GUCY1A1: variants seen among roughly 807,000 people sequenced by gnomAD.
GUCY1A1 encodes the protein guanylate cyclase soluble subunit alpha-1.
Under a neutral mutation model 64.5 loss-of-function variants are expected in GUCY1A1, and 48 were observed. The observed-to-expected ratio is 0.74, with a 90% CI of 0.59 to 0.95. The LOEUF (loss-of-function observed/expected upper bound fraction) is 0.95. Ranked by LOEUF, GUCY1A1 falls within the 40% of genes least tolerant of loss-of-function variation. The probability of loss-of-function intolerance (pLI) is 0.00; values close to 1 mark genes in which losing one functional copy is unlikely to be tolerated. For missense variants in GUCY1A1, 804 were observed against 825.3 expected (o/e 0.97, Z 0.32); for synonymous variants, 308 against 303.4 (o/e 1.02, Z -0.16).
chr4:155,676,141 T>C (rs1425838129), intron 2 of GUCY1A1, among the ~76,000 whole-genome samples: 1 of 127,204 alleles, frequency 7.9e-6, no homozygotes, highest in Admixed American at 8.6e-5. Flanking sequence ...CACTTGGACA[T>C]AGCTTTTTAA....
intron 9 of GUCY1A1, among the ~76,000 whole-genome samples, chr4:155,725,079 C>T (rs1178102968): frequency 6.6e-6 from 1 of 152,118 alleles, no homozygotes; most frequent in African/African-American, 2.4e-5. Context: ...CACATACCCT[C>T]TCATTATCCT....
rs138594884 is a variant in GUCY1A1 at position 155,704,208 on chromosome 4, A to G, written c.317+215A>G. Among the ~76,000 whole-genome samples the G allele has an allele frequency of 7.0e-3, 1,063 of 152,354 alleles. 44 individuals carry two copies. Among genetic ancestry groups the G allele is most frequent in the Admixed American group, 0.058 (895 of 15,300 alleles). ...AAACTCAGGTTTATATGAAGTATTTAGAATTTTATAGCCGTTTAAGGAAAA... is the reference window on the plus strand; with the variant it reads ...AAACTCAGGTTTATATGAAGTATTTGGAATTTTATAGCCGTTTAAGGAAAA... On this transcript the variant is annotated intron_variant, in intron 4 of 9. Coordinates refer to ENST00000506455, the MANE Select transcript of GUCY1A1 (RefSeq NM_001130682.3).
chr4:155,708,021 C>G (rs1341102204), intron 4 of GUCY1A1, among the ~76,000 whole-genome samples: 1 of 151,810 alleles, frequency 6.6e-6, no homozygotes, highest in South Asian at 2.1e-4. Context: ...GTATTTTTAG[C>G]AGAGATGGGG....
At chr4:155,692,066 T>C (rs1729817205) in intron 2 of GUCY1A1, among the ~76,000 whole-genome samples, 1 of 152,178 alleles carries the variant, frequency 6.6e-6, no homozygotes. Context: ...TGTTCCTGGG[T>C]TAGTTTGCCC....
Position 155,713,273 on chromosome 4 carries a change from C to T in GUCY1A1, c.1262C>T (p.Ala421Val). Residue 421 changes from alanine to valine, a missense_variant, in exon 7 of 10, where the codon GCT (alanine) becomes GTT (valine). By Grantham distance (64) the Ala-to-Val change is moderately conservative. Coordinates refer to ENST00000506455, the MANE Select transcript of GUCY1A1 (RefSeq NM_001130682.3). ...GTCTTAATAGGGGAACAAGCCCGAG[C>T]TCAAGATGGCCTGAAGAAGAGGCTG... ...DVVLIGEQAR[A>V]QDGLKKRLGK... 1.9e-6 allele frequency: 3 copies of T among 1,614,072 alleles called. No individual in the cohort carries two copies. Among genetic ancestry groups the T allele is most frequent in the Non-Finnish European group, 2.5e-6 (3 of 1,179,984 alleles).
intron 2 of GUCY1A1, chr4:155,667,666 G>C (rs994801766): frequency 4.6e-5 from 7 of 151,792 alleles, no homozygotes; most frequent in South Asian, 2.1e-4. Flanking sequence ...GAGCACAGAC[G>C]GGGGTGGGCG....
Position 155,713,572 on chromosome 4 carries a change from G to A in GUCY1A1, c.1561G>A (p.Asp521Asn), listed in dbSNP as rs1417094044. The A allele has an allele frequency of 6.2e-7, 1 of 1,612,912 alleles. No homozygotes were observed. The highest frequency in any genetic ancestry group is 1.1e-5 in the South Asian group (1 of 91,056). ...CTTCGACCAGCAGTGTGGAGAGCTG[G>A]ATGTCTACAAGGTAGGAGTGGACCA... Reference protein sequence around the residue: ...TRFDQQCGELDVYKVETIGDA... With the variant: ...TRFDQQCGELNVYKVETIGDA... The change falls in exon 7 of 10, where the codon GAT becomes AAT. Residue 521 changes from aspartate to asparagine, a missense_variant. Asp to Asn is a conservative substitution (Grantham distance 23). Transcript: ENST00000506455.
At chr4:155,668,077 C>T (rs1362591016) in intron 2 of GUCY1A1, 1 of 152,324 alleles carries the variant, frequency 6.6e-6, no homozygotes, top group Non-Finnish European at 1.5e-5. Context: ...AGTCCCATTT[C>T]TGTTTTCGTT....
At chr4:155,678,022 A>G (rs1170391147) in intron 2 of GUCY1A1, among the ~76,000 whole-genome samples, 3 of 152,162 alleles carry the variant, frequency 2.0e-5, no homozygotes, top group Admixed American at 6.5e-5. Flanking sequence ...ATAAATTATT[A>G]GACAATAATG....
At chr4:155,694,076 AC>A (rs1252616156) in intron 2 of GUCY1A1, among the ~76,000 whole-genome samples, 2 of 151,990 alleles carry the variant, frequency 1.3e-5, no homozygotes, top group Non-Finnish European at 1.5e-5. Flanking sequence ...GTTTTTATGT[AC>A]CCTTTTTTGC....
intron 2 of GUCY1A1, among the ~76,000 whole-genome samples, chr4:155,675,529 TC>T (rs1301225217): frequency 1.9e-4 from 29 of 151,666 alleles, no homozygotes; most frequent in South Asian, 4.1e-4. Context: ...AAATTCTATT[TC>T]TTTTAATGTT....
At chr4:155,700,366 A>G (rs1046571296) in intron 3 of GUCY1A1, among the ~76,000 whole-genome samples, 2 of 152,202 alleles carry the variant, frequency 1.3e-5, no homozygotes, top group Non-Finnish European at 1.5e-5. Flanking sequence ...CAGTATTACA[A>G]TTTATCTTAT....
At chr4:155,681,872 G>A (rs541872686) in intron 2 of GUCY1A1, among the ~76,000 whole-genome samples, 1 of 152,240 alleles carries the variant, frequency 6.6e-6, no homozygotes, top group South Asian at 2.1e-4. Flanking sequence ...TAAATACTCC[G>A]ATTTTCAAAA....
intron 3 of GUCY1A1, among the ~76,000 whole-genome samples, chr4:155,697,472 C>A (rs556609305): frequency 1.6e-4 from 25 of 152,278 alleles, no homozygotes; most frequent in Non-Finnish European, 2.5e-4. Flanking sequence ...TTAAGTGAAA[C>A]CATCCATAGC....
chr4:155,689,249 A>G (rs1446964204), intron 2 of GUCY1A1, among the ~76,000 whole-genome samples: 1 of 152,102 alleles, frequency 6.6e-6, no homozygotes, highest in Non-Finnish European at 1.5e-5. Context: ...TTCAGTAAGT[A>G]TATTTTAAAG....
chr4:155,698,239 G>GGATAAATT (rs58469914), intron 3 of GUCY1A1, among the ~76,000 whole-genome samples: 20,456 of 152,056 alleles, frequency 0.13, 1,478 homozygotes, highest in South Asian at 0.21. Flanking sequence ...TTTGAAAGAT[G>GGATAAATT]GATAAATTAG....
intron 6 of GUCY1A1, 78 bp from the exon 7 acceptor site, chr4:155,713,020 A>T: frequency 8.1e-7 from 1 of 1,241,104 alleles, no homozygotes; most frequent in Non-Finnish European, 1.1e-6. Context: ...TTATTACTGT[A>T]TCTACTTCCC....
In GUCY1A1 at chr4:155,711,002, A is replaced by G. The variant is rs1732500790; in HGVS notation, c.837A>G (p.Thr279=). 1 of 1,613,808 alleles carries G rather than the reference A, an allele frequency of 6.2e-7. No homozygotes were observed. The highest frequency in any genetic ancestry group is 8.5e-7 in the Non-Finnish European group (1 of 1,179,710). ...SKPQSSLVIP[T]SLFCKTFPFH... is the part of the protein sequence containing the mutation. ...CCCAGTCCTCGCTGGTGATTCCCAC[A>G]TCGCTATTCTGCAAGACATTTCCAT... is the stretch of plus-strand genomic sequence containing the variant. Residue 279 remains threonine (T), a synonymous_variant, in exon 6 of 10, where the codon ACA becomes ACG. Transcript: ENST00000506455.
At chr4:155,724,202 TCA>T (rs1355069586) in intron 9 of GUCY1A1, among the ~76,000 whole-genome samples, 1 of 152,094 alleles carries the variant, frequency 6.6e-6, no homozygotes, top group Non-Finnish European at 1.5e-5. Flanking sequence ...CTATTTCCTC[TCA>T]CCTTCTCAAT....
Sources: allele counts gnomAD v4.1 joint callset (sites outside exome capture counted in the v4.1 genomes callset), GRCh38; gene constraint gnomAD v4.1.1; transcripts MANE v1.5; gene names NCBI Gene and HGNC (gene_info 2026-07-23, HGNC 2026-07-21).